Variants in SLC24A3 observed in about 807,000 individuals in gnomAD.
SLC24A3 encodes sodium/potassium/calcium exchanger 3.
A neutral mutation model predicts 75.8 loss-of-function variants in SLC24A3; 28 were observed. That is an observed-to-expected ratio of 0.37 (90% CI 0.27 to 0.51). The LOEUF (loss-of-function observed/expected upper bound fraction) is 0.51, where lower values mean the gene tolerates loss of function less well. SLC24A3 is among the 20% of genes least tolerant of loss of function. The pLI is 0.94. For synonymous variants in SLC24A3, 372 were observed against 334.1 expected (o/e 1.11, Z -1.24); for missense variants, 663 against 847.8 (o/e 0.78, Z 2.71).
chr20:19,405,379 A>G (rs1178644618), intron 2 of SLC24A3, among the ~76,000 whole-genome samples: 1 of 152,210 alleles, frequency 6.6e-6, no homozygotes, highest in Admixed American at 6.5e-5. Flanking sequence ...TTTTTCTGGA[A>G]AGTAAAAGTT....
At chr20:19,570,300 ACCTCCCACCAGGCC>A (rs1204559561) in intron 3 of SLC24A3, among the ~76,000 whole-genome samples, 1 of 151,976 alleles carries the variant, frequency 6.6e-6, no homozygotes, top group Non-Finnish European at 1.5e-5. Context: ...TGATTAAATC[ACCTCCCACCAGGCC>A]CCTCCTCCAA....
rs150093067 is a variant in SLC24A3, at chr20:19,599,025, A to T, written c.612+13481A>T. Among the ~76,000 whole-genome samples the T allele has an allele frequency of 2.5e-3, 374 of 152,242 alleles. 2 individuals are homozygous for T. Among genetic ancestry groups the T allele is most frequent in the African/African-American group, 8.6e-3 (358 of 41,540 alleles). On this transcript the variant is annotated intron_variant, in intron 6 of 16. Transcript: ENST00000328041. ...CTTTACTGGGAACTCAGTTGAGTCGATGTGAAATTACATGCATGAACTCGT... is the reference window on the plus strand; with the variant it reads ...CTTTACTGGGAACTCAGTTGAGTCGTTGTGAAATTACATGCATGAACTCGT...
At chr20:19,307,089 G>C (rs1984351023) in intron 2 of SLC24A3, among the ~76,000 whole-genome samples, 1 of 152,120 alleles carries the variant, frequency 6.6e-6, no homozygotes, top group African/African-American at 2.4e-5. Context: ...AACTGAAACA[G>C]CAATGAACTG....
intron 2 of SLC24A3, among the ~76,000 whole-genome samples, chr20:19,444,378 T>C (rs997727975): frequency 1.3e-5 from 2 of 152,224 alleles, no homozygotes; most frequent in African/African-American, 4.8e-5. Context: ...CTGCTTCATC[T>C]TCTGGAAGAC....
intron 3 of SLC24A3, among the ~76,000 whole-genome samples, chr20:19,560,239 G>C (rs1339494761): frequency 6.6e-6 from 1 of 152,160 alleles, no homozygotes; most frequent in Non-Finnish European, 1.5e-5. Flanking sequence ...GCTCGATCCT[G>C]CGGAAGAGTC....
chr20:19,293,440 G>A (rs761775203), intron 2 of SLC24A3, among the ~76,000 whole-genome samples: 45 of 152,106 alleles, frequency 3.0e-4, no homozygotes, highest in Non-Finnish European at 4.4e-4. Flanking sequence ...TGGATCACCC[G>A]AGGTCAGGAG....
intron 6 of SLC24A3, among the ~76,000 whole-genome samples, chr20:19,591,552 C>G (rs548733865): frequency 6.6e-6 from 1 of 151,824 alleles, no homozygotes; most frequent in African/African-American, 2.4e-5. Flanking sequence ...GGTACACATA[C>G]CACTTTGGCC....
In SLC24A3 at chr20:19,309,348, T is replaced by A. The variant is rs896056968; in HGVS notation, c.271+28261T>A. The stretch of plus-strand genomic sequence containing the variant: ...GTGCTTGACCTGATGACATTACCAG[T>A]TCATTAAATTAGCTAATGTATATTA... On this transcript the variant is annotated intron_variant, in intron 2 of 16. Coordinates refer to ENST00000328041, the MANE Select transcript of SLC24A3 (RefSeq NM_020689.4). Among the ~76,000 whole-genome samples the A allele has an allele frequency of 2.6e-5, 4 of 152,200 alleles. No individual in the cohort carries two copies. In the East Asian group the frequency reaches 7.7e-4, roughly 29 times the overall value.
intron 2 of SLC24A3, among the ~76,000 whole-genome samples, chr20:19,391,487 T>A (rs1003747815): frequency 6.6e-6 from 1 of 152,138 alleles, no homozygotes; most frequent in Non-Finnish European, 1.5e-5. Context: ...AACCAGTGGA[T>A]CTCAGACTGG....
intron 1 of SLC24A3, among the ~76,000 whole-genome samples, chr20:19,228,699 C>G (rs1179896472): frequency 1.3e-5 from 2 of 151,696 alleles, no homozygotes; most frequent in Non-Finnish European, 2.9e-5. Context: ...CTTATTAACA[C>G]TTATTAAAGT....
chr20:19,255,736 C>G (rs1982796029), intron 1 of SLC24A3, among the ~76,000 whole-genome samples: 1 of 152,184 alleles, frequency 6.6e-6, no homozygotes, highest in African/African-American at 2.4e-5. Context: ...ATGAGATGTG[C>G]TGTGAGTATA....
chr20:19,583,119 T>A (rs938034165), intron 4 of SLC24A3, among the ~76,000 whole-genome samples: 2 of 152,104 alleles, frequency 1.3e-5, no homozygotes, highest in Non-Finnish European at 2.9e-5. Context: ...GGCTCCTAGC[T>A]GCAGAGCAGC....
At chr20:19,363,500 G>A (rs1418820155) in intron 2 of SLC24A3, among the ~76,000 whole-genome samples, 1 of 152,206 alleles carries the variant, frequency 6.6e-6, no homozygotes, top group Admixed American at 6.5e-5. Context: ...GGAAAATCAT[G>A]TCAGCTGTTT....
chr20:19,372,157 C>T (rs1986003885), intron 2 of SLC24A3, among the ~76,000 whole-genome samples: 1 of 152,194 alleles, frequency 6.6e-6, no homozygotes, highest in South Asian at 2.1e-4. Context: ...GCTTAGAAGT[C>T]AACATGGTGG....
intron 4 of SLC24A3, among the ~76,000 whole-genome samples, chr20:19,582,604 C>T (rs1233492701): frequency 6.6e-6 from 1 of 152,206 alleles, no homozygotes; most frequent in African/African-American, 2.4e-5. Context: ...CTGCTCCATG[C>T]CAGCCCCTTC....
chr20:19,417,404 T>C (rs140809535), intron 2 of SLC24A3, among the ~76,000 whole-genome samples: 21 of 152,250 alleles, frequency 1.4e-4, no homozygotes, highest in Non-Finnish European at 2.9e-4. Flanking sequence ...AATGGAACAA[T>C]AGCGGGCAGA....
chr20:19,501,828 C>T (rs1304236843), intron 2 of SLC24A3, among the ~76,000 whole-genome samples: 1 of 152,120 alleles, frequency 6.6e-6, no homozygotes, highest in African/African-American at 2.4e-5. Flanking sequence ...ATTAGCTCAC[C>T]TCCCAGGCTT....
intron 12 of SLC24A3, among the ~76,000 whole-genome samples, chr20:19,685,687 G>A (rs2032667668): frequency 1.3e-5 from 2 of 152,198 alleles, no homozygotes; most frequent in Non-Finnish European, 2.9e-5. Context: ...TATTGCCAGG[G>A]AAGAAGGCTT....
At chr20:19,314,201 A>T (rs1287536444) in intron 2 of SLC24A3, among the ~76,000 whole-genome samples, 1 of 151,940 alleles carries the variant, frequency 6.6e-6, no homozygotes, top group Non-Finnish European at 1.5e-5. Context: ...AAGGGCCAAT[A>T]TTTTTTTAGG....
Sources: allele counts gnomAD v4.1 joint callset (sites outside exome capture counted in the v4.1 genomes callset), GRCh38; gene constraint gnomAD v4.1.1; transcripts MANE v1.5; gene names NCBI Gene and HGNC (gene_info 2026-07-23, HGNC 2026-07-21).